The following BCL9 variants were observed in gnomAD, a reference collection of about 807,000 sequenced individuals.
BCL9 encodes BCL9 transcription coactivator.
In BCL9, 25 loss-of-function variants were observed where a neutral mutation model predicts 88.5. The observed-to-expected ratio is 0.28, with a 90% confidence interval of 0.21 to 0.39. BCL9 has a LOEUF of 0.39. Ranked by LOEUF, BCL9 falls within the 10% of genes least tolerant of loss-of-function variation. The pLI, the probability that BCL9 is intolerant of heterozygous loss-of-function variation, is 1.00. For synonymous variants in BCL9, 711 were observed against 673.3 expected, an observed-to-expected ratio of 1.06 and a Z score of -0.87; for missense variants, 1,817 against 1,877.8, an observed-to-expected ratio of 0.97 and a Z score of 0.60.
intron 6 of BCL9, among the ~76,000 whole-genome samples, chr1:147,615,140 C>T (rs1353255498): frequency 6.6e-6 from 1 of 152,138 alleles, no homozygotes; most frequent in East Asian, 1.9e-4. Flanking sequence ...CGCGCCTGGC[C>T]ATATATACCT....
At position 147,623,935 on chromosome 1, in the gene BCL9, T is replaced by G; in HGVS notation, c.3257T>G (p.Leu1086Arg). The G allele has an allele frequency of 6.2e-7, 1 of 1,614,200 alleles. No homozygotes were observed. Among genetic ancestry groups the G allele is most frequent in the Non-Finnish European group, 8.5e-7 (1 of 1,180,042 alleles). ...TLSPMGMTQP[L>R]SHSNQMPSPN... ...AGCCCAATGGGAATGACCCAGCCAC[T>G]TTCTCACTCCAATCAGATGCCCTCT... The change falls in exon 10 of 10, where the codon CTT becomes CGT. Residue 1086 changes from leucine to arginine, a missense_variant. By Grantham distance (102) the Leu-to-Arg change is moderately radical. Coordinates refer to ENST00000234739, the MANE Select transcript of BCL9 (RefSeq NM_004326.4).
intron 1 of BCL9, among the ~76,000 whole-genome samples, chr1:147,558,094 T>A (rs2101491038): frequency 6.6e-6 from 1 of 152,316 alleles, no homozygotes; most frequent in South Asian, 2.1e-4. Flanking sequence ...CATCTTAGAA[T>A]CAGTGAGATG....
At chr1:147,605,335 A>AT (rs1331232360) in intron 2 of BCL9, among the ~76,000 whole-genome samples, 1 of 152,234 alleles carries the variant, frequency 6.6e-6, no homozygotes, top group African/African-American at 2.4e-5. Context: ...GTGTCTACAC[A>AT]TACAGTTTTG....
At chr1:147,608,832 T>C (rs932132006) in intron 3 of BCL9, among the ~76,000 whole-genome samples, 7 of 152,218 alleles carry the variant, frequency 4.6e-5, no homozygotes, top group Admixed American at 1.3e-4. Context: ...GGCTCTACTT[T>C]AACAGGCACT....
chr1:147,545,804 A>G (rs1654543553), intron 1 of BCL9, among the ~76,000 whole-genome samples: 1 of 152,252 alleles, frequency 6.6e-6, no homozygotes, highest in Non-Finnish European at 1.5e-5. Flanking sequence ...AATGCACTTT[A>G]AAATATCTGC....
intron 1 of BCL9, among the ~76,000 whole-genome samples, chr1:147,573,010 C>T (rs1452922304): frequency 2.0e-5 from 3 of 152,232 alleles, no homozygotes; most frequent in African/African-American, 7.2e-5. Flanking sequence ...TGTGTGTACT[C>T]ACATGTGTTT....
intron 1 of BCL9, among the ~76,000 whole-genome samples, chr1:147,572,809 G>A (rs372690260): frequency 2.0e-5 from 3 of 152,230 alleles, no homozygotes; most frequent in African/African-American, 7.2e-5. Flanking sequence ...CGAACTCCTG[G>A]CCTCAAGTGA....
chr1:147,620,481 G>A lies in BCL9; in HGVS notation c.2326G>A (p.Glu776Lys), dbSNP rs1553205048. 1 of 1,614,136 alleles carries A rather than the reference G, an allele frequency of 6.2e-7. No individual in the cohort carries two copies. The highest frequency in any genetic ancestry group is 8.5e-7 in the Non-Finnish European group (1 of 1,180,012). Residue 776 changes from glutamate to lysine, a missense_variant, in exon 8 of 10, where the codon GAG (glutamate) becomes AAG (lysine). By Grantham distance (56) the Glu-to-Lys change is moderately conservative (BLOSUM62 1). Around this residue, in one of 2 missense-constraint regions of BCL9, gnomAD observed 1,228 missense variants for 1,191.6 expected, o/e 1.03. Transcript: ENST00000234739. Reference sequence around the variant, plus strand: ...GCCATTTGGTGAGCACCCCCAGCAGGAGTATGGCATGGGCCCCAGACCATT... The same window carrying A: ...GCCATTTGGTGAGCACCCCCAGCAGAAGTATGGCATGGGCCCCAGACCATT... ...PLPFGEHPQQ[E>K]YGMGPRPFLP...
intron 1 of BCL9, among the ~76,000 whole-genome samples, chr1:147,546,040 A>G (rs988959181): frequency 2.0e-5 from 3 of 152,168 alleles, no homozygotes; most frequent in Non-Finnish European, 4.4e-5. Flanking sequence ...ACTTGGCATT[A>G]AAATAATTGC....
At position 147,598,871 on chromosome 1, in the gene BCL9, C is replaced by T. The variant is rs587613618; in HGVS notation, c.-477-5906C>T. 9.8e-5 allele frequency among the ~76,000 whole-genome samples: 15 copies of T among 152,286 alleles called. No individual in the cohort carries two copies. The East Asian group carries it at 2.7e-3, about 27-fold the overall frequency. ...AATAACGGTTGTTCACCGCAGCAAC[C>T]GGGGCCACACAGATGGAGCAGAATA... On this transcript the variant is annotated intron_variant, in intron 1 of 9. Coordinates refer to ENST00000234739, the MANE Select transcript of BCL9 (RefSeq NM_004326.4).
chr1:147,587,003 T>C (rs1330985738), intron 1 of BCL9, among the ~76,000 whole-genome samples: 1 of 135,230 alleles, frequency 7.4e-6, no homozygotes, highest in Non-Finnish European at 1.6e-5. Flanking sequence ...CCTCCAGGAA[T>C]GTGGTTCGTT....
In BCL9 at chr1:147,619,400, C is replaced by A; in HGVS notation, c.1245C>A (p.Ser415Arg). 5.6e-6 allele frequency: 9 copies of A among 1,614,106 alleles called. No homozygotes were observed. The highest frequency in any genetic ancestry group is 7.6e-6 in the Non-Finnish European group (9 of 1,180,028). The change falls in exon 8 of 10, where the codon AGC (serine) becomes AGA (arginine). Residue 415 changes from serine to arginine, a missense_variant. Physicochemically the swap from Ser to Arg is moderately radical, Grantham distance 110. Around this residue, in one of 2 missense-constraint regions of BCL9, gnomAD observed 1,228 missense variants for 1,191.6 expected, o/e 1.03. Transcript: ENST00000234739. The surrounding 1 kb of genome is among the most constrained non-coding windows in gnomAD (Gnocchi z 4.1). ...AGGCCATGATGGCCCAATCCCAAAG[C>A]CTAGGTAAGGGACCTGGGCCCCGGA... ...PIQAMMAQSQSLGKGPGPRTD... is the reference protein window; with the variant it reads ...PIQAMMAQSQRLGKGPGPRTD...
chr1:147,554,590 G>A (rs1655024079), intron 1 of BCL9, among the ~76,000 whole-genome samples: 2 of 152,158 alleles, frequency 1.3e-5, no homozygotes, highest in African/African-American at 4.8e-5. Context: ...AGACATGACA[G>A]CTCAGGGTTT....
In BCL9 at chr1:147,621,299, A is replaced by T. The variant is rs186351080; in HGVS notation, c.2902+242A>T. On this transcript the variant is annotated intron_variant, in intron 8 of 9. Transcript: ENST00000234739. ...AAAAGGAAGAGGGGAAATGGGGAAT[A>T]TGTGTTGGGTTCACAGAATAATTTA... 2.6e-5 allele frequency among the ~76,000 whole-genome samples: 4 copies of T among 152,336 alleles called. No individual in the cohort carries two copies. The East Asian group carries it at 7.7e-4, about 29-fold the overall frequency.
chr1:147,608,330 C>CTT lies in BCL9; in HGVS notation c.-260+1483_-260+1484dup, dbSNP rs35324998. On this transcript the variant is annotated intron_variant, in intron 3 of 9. Transcript: ENST00000234739. Reference sequence around the variant, plus strand: ...AATGCTAGACCTGGGTTTTGTTTTGCTTTTTTTTTTTTTTTTTTTTAGCAC... The same window carrying CTT: ...AATGCTAGACCTGGGTTTTGTTTTGCTTTTTTTTTTTTTTTTTTTTTTAGCAC... Among the ~76,000 whole-genome samples the CTT allele has an allele frequency of 3.6e-3, 366 of 101,044 alleles. 19 individuals are homozygous for CTT. The highest frequency in any genetic ancestry group is 0.012 in the African/African-American group (296 of 25,494). The allele number at this position is 101,044 out of a possible 152,430, so 66.3% of individuals were successfully genotyped here.
chr1:147,575,258 C>T (rs587659900), intron 1 of BCL9, among the ~76,000 whole-genome samples: 1 of 152,326 alleles, frequency 6.6e-6, no homozygotes, highest in East Asian at 1.9e-4. Flanking sequence ...AGCATCACTC[C>T]TCTAGAAAGC....
intron 1 of BCL9, among the ~76,000 whole-genome samples, chr1:147,566,243 A>G (rs1655589434): frequency 6.6e-6 from 1 of 152,130 alleles, no homozygotes; most frequent in Admixed American, 6.5e-5. Context: ...TCCAATATGC[A>G]TTGTAGCTGT....
intron 1 of BCL9, among the ~76,000 whole-genome samples, chr1:147,602,481 A>T (rs2101592803): frequency 6.6e-6 from 1 of 152,260 alleles, no homozygotes; most frequent in Admixed American, 6.5e-5. Flanking sequence ...AAGTGTTGGG[A>T]TTACAGGTGT....
chr1:147,560,772 A>C (rs1553196022), intron 1 of BCL9, among the ~76,000 whole-genome samples: 1 of 152,098 alleles, frequency 6.6e-6, no homozygotes, highest in Non-Finnish European at 1.5e-5. Context: ...TACATAAATA[A>C]TTTTTTTAAA....
Sources: allele counts gnomAD v4.1 joint callset (sites outside exome capture counted in the v4.1 genomes callset), GRCh38; gene constraint gnomAD v4.1.1; regional missense constraint gnomAD v4.1.1; non-coding constraint Gnocchi (gnomAD v3.1); transcripts MANE v1.5; gene names NCBI Gene and HGNC (gene_info 2026-07-23, HGNC 2026-07-21).